Variants in HIVEP1 observed in about 807,000 individuals in gnomAD.
HIVEP1 encodes the protein zinc finger protein 40.
HIVEP1 carries 36 observed loss-of-function variants against 180.0 expected under a neutral mutation model. The ratio of observed to expected loss-of-function variants is 0.20; its 90% confidence interval spans 0.15 to 0.26. HIVEP1 has a LOEUF of 0.26. HIVEP1 is among the 10% of genes least tolerant of loss of function. HIVEP1 has a pLI of 1.00. For missense variants in HIVEP1, 3,143 were observed against 3,268.7 expected, an observed-to-expected ratio of 0.96 and a Z score of 0.94; for synonymous variants, 1,239 against 1,239.0, an observed-to-expected ratio of 1.00 and a Z score of 0.00.
At chr6:12,035,149 A>G (rs1385697429) in intron 2 of HIVEP1, among the ~76,000 whole-genome samples, 4 of 152,204 alleles carry the variant, frequency 2.6e-5, no homozygotes, top group African/African-American at 7.2e-5. Flanking sequence ...AAATTGATCT[A>G]TGAGTTTAAT....
chr6:12,060,888 T>C (rs1771184214), intron 2 of HIVEP1, among the ~76,000 whole-genome samples: 1 of 152,134 alleles, frequency 6.6e-6, no homozygotes, highest in African/African-American at 2.4e-5. Flanking sequence ...ATGGGGATGT[T>C]GTGACTGCTG....
chr6:12,150,126 G>T (rs3777763), intron 7 of HIVEP1, among the ~76,000 whole-genome samples: 43,613 of 152,136 alleles, frequency 0.29, 6,939 homozygotes, highest in Middle Eastern at 0.46. Flanking sequence ...GATAAGAAAT[G>T]CTCATGGGAA....
chr6:12,076,103 T>C (rs1037824686), intron 2 of HIVEP1, among the ~76,000 whole-genome samples: 3 of 151,628 alleles, frequency 2.0e-5, no homozygotes, highest in South Asian at 2.1e-4. Flanking sequence ...GTTTGTCTTA[T>C]AGCTTTTTTA....
intron 2 of HIVEP1, among the ~76,000 whole-genome samples, chr6:12,084,544 T>G (rs1159878275): frequency 6.6e-6 from 1 of 152,162 alleles, no homozygotes; most frequent in Non-Finnish European, 1.5e-5. Flanking sequence ...CATTGTCATT[T>G]ATTTAGTGCT....
At chr6:12,201,353 T>C in the HIVEP1 span, among the ~76,000 whole-genome samples, 434 of 152,298 alleles carry the variant, frequency 2.8e-3, 1 homozygote, top group Non-Finnish European at 4.4e-3. Flanking sequence ...GGCACACAAC[T>C]GTAGTCCCAG....
intron 2 of HIVEP1, among the ~76,000 whole-genome samples, chr6:12,081,449 T>C (rs1420306644): frequency 6.6e-6 from 1 of 152,164 alleles, no homozygotes; most frequent in Non-Finnish European, 1.5e-5. Flanking sequence ...CAGTTGGATA[T>C]GAATTGCCTT....
chr6:12,048,591 T>A (rs550026720), intron 2 of HIVEP1, among the ~76,000 whole-genome samples: 4 of 152,210 alleles, frequency 2.6e-5, no homozygotes, highest in Non-Finnish European at 5.9e-5. Flanking sequence ...GGTACCTGGA[T>A]ACACTCTCTA....
At chr6:12,159,166 TTAA>T (rs1445797540) in intron 7 of HIVEP1, among the ~76,000 whole-genome samples, 1 of 152,042 alleles carries the variant, frequency 6.6e-6, no homozygotes, top group African/African-American at 2.4e-5. Flanking sequence ...TTGGAAAAAG[TTAA>T]TAAGTTTAAA....
At chr6:12,099,844 G>C (rs1774005591) in intron 3 of HIVEP1, among the ~76,000 whole-genome samples, 2 of 152,228 alleles carry the variant, frequency 1.3e-5, no homozygotes, top group South Asian at 4.1e-4. Flanking sequence ...AGTGTGGTTA[G>C]ATATGTAATC....
In HIVEP1 at chr6:12,121,697, G is replaced by A; in HGVS notation, c.1902G>A (p.Lys634=). The A allele has an allele frequency of 1.9e-6, 3 of 1,614,196 alleles. No homozygotes were observed. The highest frequency in any genetic ancestry group is 2.2e-5 in the East Asian group (1 of 44,878). ...GCGACATGAATCCACTGGAAGGAAAGCAAGACTCTCACGTAGGAACGGTAC... is the reference window on the plus strand; with the variant it reads ...GCGACATGAATCCACTGGAAGGAAAACAAGACTCTCACGTAGGAACGGTAC... ...QKGDMNPLEG[K]QDSHVGTVHA... is the part of the protein sequence containing the mutation. The change falls in exon 4 of 9, where the codon AAG becomes AAA. Residue 634 remains lysine, a synonymous_variant. Coordinates refer to ENST00000379388, the MANE Select transcript of HIVEP1 (RefSeq NM_002114.4). This position sits in a 1 kb window ranked among gnomAD's most constrained non-coding sequence, Gnocchi z 5.3.
Position 12,036,208 on chromosome 6 carries a change from G to T in HIVEP1, c.40+20540G>T, listed in dbSNP as rs149781026. On this transcript the variant is annotated intron_variant, in intron 2 of 8. Coordinates refer to ENST00000379388, the MANE Select transcript of HIVEP1 (RefSeq NM_002114.4). ...TGAAGCAAAAAGATATTTGTTCAAA[G>T]AGCTTGATTTTGGTGTTATCTTTAA... Among the ~76,000 whole-genome samples the T allele has an allele frequency of 2.6e-3, 396 of 152,314 alleles. 2 individuals are homozygous for T. Among genetic ancestry groups the T allele is most frequent in the African/African-American group, 9.0e-3 (375 of 41,576 alleles).
intron 3 of HIVEP1, among the ~76,000 whole-genome samples, chr6:12,109,728 T>A (rs893172351): frequency 7.9e-5 from 12 of 152,234 alleles, no homozygotes; most frequent in Admixed American, 2.6e-4. Flanking sequence ...TGGAATCTGC[T>A]TCTTCCAAAC....
At chr6:12,159,540 G>T (rs1257819860) in intron 7 of HIVEP1, among the ~76,000 whole-genome samples, 1 of 152,070 alleles carries the variant, frequency 6.6e-6, no homozygotes, top group African/African-American at 2.4e-5. Flanking sequence ...GCGGAGGCTC[G>T]TTGTGGGCAG....
chr6:12,207,439 T>C, the HIVEP1 span, among the ~76,000 whole-genome samples: 1 of 152,178 alleles, frequency 6.6e-6, no homozygotes, highest in Admixed American at 6.5e-5. Context: ...CTAGATTATT[T>C]AAATTCCCTA....
intron 2 of HIVEP1, among the ~76,000 whole-genome samples, chr6:12,018,919 C>T (rs1326257341): frequency 6.6e-6 from 1 of 152,180 alleles, no homozygotes; most frequent in Non-Finnish European, 1.5e-5. Context: ...TTTAAGCCTA[C>T]ATTTCATATG....
intron 7 of HIVEP1, among the ~76,000 whole-genome samples, chr6:12,150,218 G>T (rs1266691194): frequency 6.6e-6 from 1 of 152,136 alleles, no homozygotes; most frequent in Non-Finnish European, 1.5e-5. Context: ...TTGTTCTCCT[G>T]TTCTTGGGGT....
chr6:12,072,732 T>TG (rs759056545), intron 2 of HIVEP1, among the ~76,000 whole-genome samples: 9 of 152,258 alleles, frequency 5.9e-5, no homozygotes, highest in South Asian at 2.1e-4. Flanking sequence ...GGCAGTGCCC[T>TG]GTCTGCTGTT....
At chr6:12,129,992 A>G in intron 5 of HIVEP1, 100 bp downstream of exon 5, 1 of 757,310 alleles carries the variant, frequency 1.3e-6, no homozygotes, top group South Asian at 1.8e-5. Context: ...TTTAGTATCG[A>G]TGTTGCAAGG....
chr6:12,181,639 A>G, the HIVEP1 span, among the ~76,000 whole-genome samples: 1 of 152,176 alleles, frequency 6.6e-6, no homozygotes, highest in African/African-American at 2.4e-5. Flanking sequence ...AATCCAAAAG[A>G]AAAGTATTCG....
Sources: allele counts gnomAD v4.1 joint callset (sites outside exome capture counted in the v4.1 genomes callset), GRCh38; gene constraint gnomAD v4.1.1; non-coding constraint Gnocchi (gnomAD v3.1); transcripts MANE v1.5; gene names NCBI Gene and HGNC (gene_info 2026-07-23, HGNC 2026-07-21).